The following GANC variants were observed in gnomAD, a reference collection of about 807,000 sequenced individuals.
GANC encodes neutral alpha-glucosidase C.
Under a neutral mutation model 124.2 loss-of-function variants are expected in GANC, and 117 were observed. That is an observed-to-expected ratio of 0.94 (90% CI 0.81 to 1.10). The LOEUF (loss-of-function observed/expected upper bound fraction) is 1.10, where lower values mean the gene tolerates loss of function less well. GANC is among the 50% of genes least tolerant of loss of function. GANC has a pLI of 0.00. For missense variants in GANC, 1,140 were observed against 1,095.0 expected, an observed-to-expected ratio of 1.04 and a Z score of -0.58; for synonymous variants, 377 against 376.8, an observed-to-expected ratio of 1.00 and a Z score of -0.01.
chr15:42,277,423 G>C (rs996236823), intron 2 of GANC, among the ~76,000 whole-genome samples: 6 of 151,514 alleles, frequency 4.0e-5, no homozygotes, highest in Middle Eastern at 6.9e-3. Context: ...CCAGCTACTT[G>C]GGAGGCTGAG....
At chr15:42,303,607 A>G (rs2051966869) in intron 6 of GANC, among the ~76,000 whole-genome samples, 2 of 151,012 alleles carry the variant, frequency 1.3e-5, no homozygotes, top group African/African-American at 2.4e-5. Flanking sequence ...TGTTCAGGAG[A>G]CCCATCTCAC....
rs145862572 is a variant in GANC at position 42,287,278 on chromosome 15, G to T, written c.202-413G>T. On this transcript the variant is annotated intron_variant, in intron 3 of 23. Coordinates refer to ENST00000318010, the MANE Select transcript of GANC (RefSeq NM_198141.3). ...CCTGCCACCCTTCATCTTTCATCCA[G>T]CTGGAATCTAGTTACTCTGCTTTTA... 6.3e-4 allele frequency among the ~76,000 whole-genome samples: 96 copies of T among 152,206 alleles called. 1 individual carries two copies. The East Asian group carries it at 0.018, about 29-fold the overall frequency.
At chr15:42,315,104 T>G (rs1034268907) in intron 10 of GANC, among the ~76,000 whole-genome samples, 6 of 152,260 alleles carry the variant, frequency 3.9e-5, no homozygotes, top group Non-Finnish European at 8.8e-5. Context: ...AATTTAATCC[T>G]ATCCTTTGTG....
At chr15:42,280,484 G>C (rs1226882225) in intron 3 of GANC, among the ~76,000 whole-genome samples, 2 of 152,180 alleles carry the variant, frequency 1.3e-5, no homozygotes, top group African/African-American at 4.8e-5. Flanking sequence ...CACCCGGCCA[G>C]ACCCTTCTAT....
chr15:42,277,513 A>G (rs954012443), intron 2 of GANC, among the ~76,000 whole-genome samples: 29 of 152,026 alleles, frequency 1.9e-4, no homozygotes, highest in African/African-American at 6.7e-4. Context: ...CTGGGCAACA[A>G]GAGTGAAACT....
intron 15 of GANC, among the ~76,000 whole-genome samples, chr15:42,334,613 G>A (rs1270863164): frequency 6.6e-6 from 1 of 151,968 alleles, no homozygotes; most frequent in Non-Finnish European, 1.5e-5. Context: ...AAATGAAATG[G>A]CAAGCCACCG....
rs763468758 is a variant in GANC, at chr15:42,352,190, C to T, written c.*51C>T. The stretch of plus-strand genomic sequence containing the variant: ...GCAGGGACCTGCCTGCCCCTTTCAA[C>T]CTTTCCCCTCACCTTTTTTGAGATT... On this transcript the variant is annotated 3_prime_UTR_variant, in exon 24 of 24. Transcript: ENST00000318010. 6 of 1,600,806 alleles carry T rather than the reference C, an allele frequency of 3.7e-6. No individual in the cohort carries two copies. The highest frequency in any genetic ancestry group is 5.1e-6 in the Non-Finnish European group (6 of 1,173,056).
At chr15:42,312,160 A>G (rs1001138677) in intron 10 of GANC, among the ~76,000 whole-genome samples, 4 of 152,224 alleles carry the variant, frequency 2.6e-5, no homozygotes, top group Non-Finnish European at 5.9e-5. Context: ...TTTTGCAGAA[A>G]TGGAAAAGCT....
intron 9 of GANC, 82 bp downstream of exon 9, chr15:42,310,545 A>G: frequency 6.8e-7 from 1 of 1,463,386 alleles, no homozygotes; most frequent in Non-Finnish European, 9.2e-7. Flanking sequence ...TTATCTTTGT[A>G]TTGGCACTTC....
intron 8 of GANC, among the ~76,000 whole-genome samples, chr15:42,309,906 G>A (rs991639764): frequency 3.3e-5 from 5 of 152,054 alleles, no homozygotes; most frequent in Admixed American, 6.5e-5. Flanking sequence ...TGTATTCCCC[G>A]CTACTTGGGA....
Position 42,273,423 on chromosome 15 carries a change from GA to G in GANC, c.-1056del. 1.2e-6 allele frequency: 2 copies of G among 1,613,156 alleles called. No homozygotes were observed. The highest frequency in any genetic ancestry group is 2.2e-5 in the South Asian group (2 of 91,052). On this transcript the variant is annotated 5_prime_UTR_variant, in exon 1 of 24. Coordinates refer to ENST00000318010, the MANE Select transcript of GANC (RefSeq NM_198141.3). ...TCTTCACAGCCGTGGAGTGCCTACC[GA>G]AAGCATTTCACCCTCTTCCGGTTCG...
At chr15:42,280,583 A>G (rs2051721897) in intron 3 of GANC, among the ~76,000 whole-genome samples, 1 of 152,178 alleles carries the variant, frequency 6.6e-6, no homozygotes, top group African/African-American at 2.4e-5. Flanking sequence ...CCAGATGTCA[A>G]GAACCTTTCT....
rs77050865 is a variant in GANC, at chr15:42,276,395, A to G, written c.77A>G (p.Lys26Arg). The G allele has an allele frequency of 2.0e-3, 2,874 of 1,432,066 alleles. 50 individuals are homozygous for G. In the African/African-American group the frequency reaches 0.034, roughly 17 times the overall value. The allele number at this position is 1,432,066 out of a possible 1,614,324, so 88.7% of individuals were successfully genotyped here. A position where few individuals can be genotyped will look rare whatever the true frequency, so the allele number is the denominator to read the frequency against. Residue 26 changes from lysine (K) to arginine (R), a missense_variant, in exon 2 of 24, where the codon AAG becomes AGG. By Grantham distance (26) the Lys-to-Arg change is conservative. Coordinates refer to ENST00000318010, the MANE Select transcript of GANC (RefSeq NM_198141.3). The stretch of plus-strand genomic sequence containing the variant: ...AAAAACATTTTCAGAGACTGTAACA[A>G]GATCGCATTTTACAGGTAAGGAAAA... ...VDKNIFRDCNKIAFYRRQKQW... is the reference protein window; with the variant it reads ...VDKNIFRDCNRIAFYRRQKQW...
At chr15:42,330,707 T>G in intron 15 of GANC, 35 bp downstream of exon 15, 1 of 1,429,602 alleles carries the variant, frequency 7.0e-7, no homozygotes, top group Non-Finnish European at 9.7e-7. Context: ...TAAAAACACA[T>G]TAGCAACTTT....
intron 5 of GANC, 88 bp from the exon 6 acceptor site, chr15:42,297,523 A>C (rs2051902742): frequency 2.1e-6 from 2 of 941,146 alleles, no homozygotes; most frequent in African/African-American, 1.7e-5. Flanking sequence ...CTGAGGTCTC[A>C]AAAGTTGGAA....
intron 10 of GANC, among the ~76,000 whole-genome samples, chr15:42,315,871 A>C (rs574808124): frequency 8.0e-5 from 12 of 150,894 alleles, no homozygotes; most frequent in African/African-American, 2.4e-4. Flanking sequence ...TGCAACATCA[A>C]CTCCTCCCTG....
At chr15:42,351,281 T>C (rs777734558) in intron 22 of GANC, 48 bp from the exon 23 acceptor site, 3 of 1,436,198 alleles carry the variant, frequency 2.1e-6, no homozygotes, top group African/African-American at 1.4e-5. Context: ...TGGTGGCCAC[T>C]TCAAACCCCC....
rs1023300640 is a variant in GANC at position 42,294,359 on chromosome 15, A to T, written c.512+1442A>T. ...GAGGCCGAGGCAGGTGGATCACCTGAGGTCAGGAGTTCGAGACCAGCCTGG... is the reference window on the plus strand; with the variant it reads ...GAGGCCGAGGCAGGTGGATCACCTGTGGTCAGGAGTTCGAGACCAGCCTGG... On this transcript the variant is annotated intron_variant, in intron 5 of 23. Transcript: ENST00000318010. Among the ~76,000 whole-genome samples the T allele has an allele frequency of 2.6e-5, 4 of 151,230 alleles. 1 individual carries two copies. Among genetic ancestry groups the T allele is most frequent in the African/African-American group, 9.8e-5 (4 of 40,622 alleles).
In GANC at chr15:42,273,467, T is replaced by C; in HGVS notation, c.-1015T>C. On this transcript the variant is annotated 5_prime_UTR_variant, in exon 1 of 24. Coordinates refer to ENST00000318010, the MANE Select transcript of GANC (RefSeq NM_198141.3). ...CCGGTTCGTCCCGCCTTCTTCCGGC[T>C]CTGCTCTAAGGGCGGGATTATCCGG... The C allele has an allele frequency of 6.2e-7, 1 of 1,600,332 alleles. No individual in the cohort carries two copies. The highest frequency in any genetic ancestry group is 8.5e-7 in the Non-Finnish European group (1 of 1,174,666).
Sources: allele counts gnomAD v4.1 joint callset (sites outside exome capture counted in the v4.1 genomes callset), GRCh38; gene constraint gnomAD v4.1.1; transcripts MANE v1.5; gene names NCBI Gene and HGNC (gene_info 2026-07-23, HGNC 2026-07-21).